Variants in DENND10 observed in about 807,000 individuals in gnomAD.
DENND10 encodes the protein DENN domain-containing protein 10.
DENND10 carries 24 observed loss-of-function variants against 43.6 expected under a neutral mutation model. The observed-to-expected ratio is 0.55, with a 90% CI of 0.40 to 0.77. The LOEUF (loss-of-function observed/expected upper bound fraction) is 0.77. Among genes scored for constraint, DENND10 ranks in the 30% least tolerant of loss-of-function variants. The pLI is 0.00. For missense variants in DENND10, 303 were observed against 429.9 expected (o/e 0.70, Z 2.61); for synonymous variants, 125 against 157.6 (o/e 0.79, Z 1.55).
At position 119,121,399 on chromosome 10, in the gene DENND10, G is replaced by C. The variant is rs191150603; in HGVS notation, c.593+947G>C. Among the ~76,000 whole-genome samples the C allele has an allele frequency of 6.2e-5, 9 of 145,924 alleles. 3 individuals carry two copies. In the South Asian group the frequency reaches 1.3e-3, roughly 21 times the overall value. ...AGGCTCAAGTGATTCTCCTGCCTCC[G>C]TTGAGATGATTACAGACATGAACCA... On this transcript the variant is annotated intron_variant, in intron 5 of 8. Coordinates refer to ENST00000361432, the MANE Select transcript of DENND10 (RefSeq NM_207009.4).
chr10:119,111,900 T>C lies in DENND10; in HGVS notation c.304T>C (p.Tyr102His). The change falls in exon 3 of 9, where the codon TAT becomes CAT. Residue 102 changes from tyrosine (Y) to histidine (H), a missense_variant. Physicochemically the swap from Tyr to His is moderately conservative, Grantham distance 83 (BLOSUM62 2). Transcript: ENST00000361432. ...CGCCAAAGATTTTAACCCAGAGAAG[T>C]ATGCTGCCTTCACTAGGATATTGTG... ...LTAKDFNPEK[Y>H]AAFTRILCRM... 6.2e-7 allele frequency: 1 copy of C among 1,612,920 alleles called. No homozygotes were observed. The highest frequency in any genetic ancestry group is 8.5e-7 in the Non-Finnish European group (1 of 1,178,936).
intron 6 of DENND10, among the ~76,000 whole-genome samples, chr10:119,127,882 G>A (rs564449065): frequency 1.0e-3 from 153 of 152,098 alleles, no homozygotes; most frequent in Non-Finnish European, 1.6e-3. Flanking sequence ...CTCCCACCTC[G>A]GCTTTCCAAA....
intron 1 of DENND10, chr10:119,105,675 T>A (rs11198775): frequency 0.37 from 84,914 of 231,520 alleles, 16,445 homozygotes; most frequent in Non-Finnish European, 0.4. Flanking sequence ...TTTTTAATTA[T>A]TCACACTAAC....
chr10:119,104,472 T>TC (rs2133445316), intron 1 of DENND10, among the ~76,000 whole-genome samples: 1 of 150,110 alleles, frequency 6.7e-6, no homozygotes, highest in South Asian at 2.1e-4. Flanking sequence ...GGGGTGGAGC[T>TC]CCCCCTGCAC....
At chr10:119,112,565 T>C (rs1293975877) in intron 3 of DENND10, among the ~76,000 whole-genome samples, 1 of 149,500 alleles carries the variant, frequency 6.7e-6, no homozygotes, top group Non-Finnish European at 1.5e-5. Flanking sequence ...TCATCATGGC[T>C]CACTGCAGTC....
chr10:119,132,594 G>A lies in DENND10; in HGVS notation c.882G>A (p.Glu294=). 6.2e-7 allele frequency: 1 copy of A among 1,614,036 alleles called. No individual in the cohort carries two copies. Among genetic ancestry groups the A allele is most frequent in the Non-Finnish European group, 8.5e-7 (1 of 1,179,860 alleles). ...VQSAEDPEKS[E]SHVIQDIALK... ...CTGCAGAAGATCCAGAGAAATCAGA[G>A]AGCCACGTTATACAGGTAACTCCCT... The change falls in exon 8 of 9, where the codon GAG becomes GAA. Residue 294 remains glutamate (E), a synonymous_variant. Transcript: ENST00000361432. This position sits in a 1 kb window ranked among gnomAD's most constrained non-coding sequence, Gnocchi z 4.2.
chr10:119,125,941 TC>T (rs778623180), intron 6 of DENND10, among the ~76,000 whole-genome samples: 26 of 152,030 alleles, frequency 1.7e-4, no homozygotes, highest in Non-Finnish European at 3.5e-4. Flanking sequence ...TCCCAAATTT[TC>T]CCCCTCTCCC....
chr10:119,130,976 A>G (rs1379535615), intron 7 of DENND10, among the ~76,000 whole-genome samples: 2 of 152,210 alleles, frequency 1.3e-5, no homozygotes, highest in African/African-American at 4.8e-5. Context: ...GAATGTCTCC[A>G]CCTCTTGAAG....
intron 3 of DENND10, 41 bp from the exon 4 acceptor site, chr10:119,117,478 G>A: frequency 1.1e-5 from 18 of 1,600,114 alleles, no homozygotes; most frequent in Non-Finnish European, 1.5e-5. Flanking sequence ...CATGATTTGT[G>A]CCAAATGAAA....
intron 4 of DENND10, among the ~76,000 whole-genome samples, chr10:119,118,518 C>T (rs1845403957): frequency 6.6e-6 from 1 of 152,194 alleles, no homozygotes. Flanking sequence ...CGAGGCTGCC[C>T]TCTGTCATGT....
At chr10:119,110,995 C>T (rs1302522548) in intron 2 of DENND10, among the ~76,000 whole-genome samples, 3 of 152,064 alleles carry the variant, frequency 2.0e-5, no homozygotes, top group Admixed American at 2.0e-4. Flanking sequence ...GGTGCGGTGG[C>T]TGATGCCTGT....
chr10:119,135,163 CAAAAAAAAAAAAAAA>C (rs61460927), intron 8 of DENND10: 2 of 132,704 alleles, frequency 1.5e-5, no homozygotes, highest in African/African-American at 5.4e-5. Context: ...AAAACTGTCT[CAAAAAAAAAAAAAAA>C]AAAAAAAAAG....
intron 3 of DENND10, among the ~76,000 whole-genome samples, chr10:119,112,493 CTTTTTTT>C (rs1353576739): frequency 7.5e-6 from 1 of 133,500 alleles, no homozygotes; most frequent in South Asian, 2.3e-4. Flanking sequence ...TTTTCTTTTT[CTTTTTTT>C]TTTTTTTTTT....
intron 2 of DENND10, among the ~76,000 whole-genome samples, chr10:119,108,538 C>CTGT (rs1024059600): frequency 3.4e-4 from 51 of 151,742 alleles, no homozygotes; most frequent in African/African-American, 1.2e-3. Flanking sequence ...TGGGAATACT[C>CTGT]TGTTTCACAC....
chr10:119,132,657 C>T lies in DENND10; in HGVS notation c.897+48C>T, dbSNP rs1276953041. On this transcript the variant is annotated intron_variant, in intron 8 of 8. Coordinates refer to ENST00000361432, the MANE Select transcript of DENND10 (RefSeq NM_207009.4). The surrounding 1 kb of genome is among the most constrained non-coding windows in gnomAD (Gnocchi z 4.2). ...TACTGAAAGTCCTGACCCGGTGTCG[C>T]TGGGTGGTGTGCGGCAGAGCTGTGC... is the stretch of plus-strand genomic sequence containing the variant. 10 of 1,490,742 alleles carry T rather than the reference C, an allele frequency of 6.7e-6. No homozygotes were observed. The highest frequency in any genetic ancestry group is 1.4e-5 in the African/African-American group (1 of 72,532). 92.3% of individuals were successfully genotyped at this position (1,490,742 alleles called of 1,614,324 possible). A position where few individuals can be genotyped will look rare whatever the true frequency, so the allele number is the denominator to read the frequency against.
chr10:119,121,262 A>G (rs1341758873), intron 5 of DENND10, among the ~76,000 whole-genome samples: 2 of 151,460 alleles, frequency 1.3e-5, no homozygotes, highest in Non-Finnish European at 2.9e-5. Context: ...TACTAAATCT[A>G]ACTTGTTATT....
chr10:119,131,374 GT>G (rs2133530700), intron 7 of DENND10, among the ~76,000 whole-genome samples: 1 of 152,222 alleles, frequency 6.6e-6, no homozygotes, highest in South Asian at 2.1e-4. Flanking sequence ...AGGAGAATCA[GT>G]TGAACCCGGG....
chr10:119,119,322 A>T (rs1007391812), intron 4 of DENND10, among the ~76,000 whole-genome samples: 16 of 151,830 alleles, frequency 1.1e-4, no homozygotes, highest in Non-Finnish European at 2.2e-4. Flanking sequence ...TTGTATTTTT[A>T]GTAGAGATGG....
intron 3 of DENND10, 86 bp downstream of exon 3, chr10:119,112,014 A>T: frequency 1.0e-6 from 1 of 998,944 alleles, no homozygotes; most frequent in Non-Finnish European, 1.6e-6. Flanking sequence ...CTGAGAAAGC[A>T]AAGTTCAGCC....
Sources: allele counts gnomAD v4.1 joint callset (sites outside exome capture counted in the v4.1 genomes callset), GRCh38; gene constraint gnomAD v4.1.1; non-coding constraint Gnocchi (gnomAD v3.1); transcripts MANE v1.5; gene names NCBI Gene and HGNC (gene_info 2026-07-23, HGNC 2026-07-21).